The following XKR9 variants were observed in gnomAD, a reference collection of about 807,000 sequenced individuals.
XKR9 encodes the protein XK-related protein 9.
A neutral mutation model predicts 32.0 loss-of-function variants in XKR9; 32 were observed. The observed-to-expected ratio is 1.00, with a 90% CI of 0.76 to 1.34. XKR9 has a LOEUF of 1.34. Ranked by LOEUF, XKR9 falls within the 40% of genes most tolerant of loss-of-function variation. XKR9 has a pLI of 0.00. For synonymous variants in XKR9, 168 were observed against 143.4 expected, an observed-to-expected ratio of 1.17 and a Z score of -1.22; for missense variants, 546 against 429.7, an observed-to-expected ratio of 1.27 and a Z score of -2.39.
chr8:70,857,056 T>G, the XKR9 span, among the ~76,000 whole-genome samples: 10 of 152,008 alleles, frequency 6.6e-5, no homozygotes, highest in Admixed American at 2.0e-4. Context: ...ACATCACAAT[T>G]AAAAGAACTA....
the XKR9 span, among the ~76,000 whole-genome samples, chr8:70,826,492 GT>G: frequency 6.6e-6 from 1 of 151,998 alleles, no homozygotes; most frequent in South Asian, 2.1e-4. Context: ...TGGTTTAAAT[GT>G]TTCTTTTATT....
chr8:70,944,378 C>A, the XKR9 span, among the ~76,000 whole-genome samples: 1 of 151,944 alleles, frequency 6.6e-6, no homozygotes, highest in African/African-American at 2.4e-5. Flanking sequence ...AAAAACAAAA[C>A]GAAACAAACA....
chr8:70,858,311 A>G, the XKR9 span, among the ~76,000 whole-genome samples: 1 of 152,148 alleles, frequency 6.6e-6, no homozygotes, highest in Non-Finnish European at 1.5e-5. Flanking sequence ...AAGCATTCCT[A>G]TATACCAATA....
At chr8:70,930,911 A>T in the XKR9 span, among the ~76,000 whole-genome samples, 1 of 152,108 alleles carries the variant, frequency 6.6e-6, no homozygotes, top group Non-Finnish European at 1.5e-5. Flanking sequence ...TCACCATCAG[A>T]ACCTTCTTCA....
the XKR9 span, among the ~76,000 whole-genome samples, chr8:70,983,166 G>C: frequency 6.6e-6 from 1 of 152,138 alleles, no homozygotes; most frequent in African/African-American, 2.4e-5. Flanking sequence ...GACCCACAAG[G>C]ACTTCAGTGA....
chr8:70,727,302 A>C (rs916794997), intron 4 of XKR9, among the ~76,000 whole-genome samples: 2 of 150,964 alleles, frequency 1.3e-5, no homozygotes, highest in African/African-American at 4.9e-5. Context: ...TTTTAACTAA[A>C]ATATTTTTGA....
At chr8:71,014,921 G>A in the XKR9 span, among the ~76,000 whole-genome samples, 1 of 152,142 alleles carries the variant, frequency 6.6e-6, no homozygotes, top group African/African-American at 2.4e-5. Flanking sequence ...GCCAGTTGCC[G>A]ATAGGTCTCT....
At chr8:70,831,855 A>G in the XKR9 span, among the ~76,000 whole-genome samples, 1 of 152,190 alleles carries the variant, frequency 6.6e-6, no homozygotes, top group Admixed American at 6.5e-5. Context: ...TATTGATGCC[A>G]TGATTGGAAC....
chr8:70,699,940 C>T (rs1805454723), intron 3 of XKR9, among the ~76,000 whole-genome samples: 1 of 152,170 alleles, frequency 6.6e-6, no homozygotes, highest in Admixed American at 6.5e-5. Flanking sequence ...ATTTCATCTT[C>T]CATCACTGAT....
rs1476379357 is a variant in XKR9, at chr8:70,735,659, T to A, written c.*1235T>A. On this transcript the variant is annotated 3_prime_UTR_variant, in exon 5 of 5. Coordinates refer to ENST00000408926, the MANE Select transcript of XKR9 (RefSeq NM_001011720.2). ...CCCCAGAGTGTGATGATCCCCTTCC[T>A]GTGTCCATGTGTTCTCATTGTTCAG... 2 of 128,266 alleles carry A rather than the reference T, an allele frequency of 1.6e-5. No individual in the cohort carries two copies. Among genetic ancestry groups the A allele is most frequent in the African/African-American group, 6.0e-5 (2 of 33,596 alleles). 7.9% of individuals were successfully genotyped at this position (128,266 alleles called of 1,614,324 possible).
At chr8:70,814,658 GA>G in the XKR9 span, among the ~76,000 whole-genome samples, 1 of 152,082 alleles carries the variant, frequency 6.6e-6, no homozygotes, top group African/African-American at 2.4e-5. Flanking sequence ...AACAAATGTG[GA>G]AAAGTTTCCT....
chr8:70,687,759 T>C (rs1312463203), intron 3 of XKR9, among the ~76,000 whole-genome samples: 1 of 152,226 alleles, frequency 6.6e-6, no homozygotes, highest in Non-Finnish European at 1.5e-5. Context: ...TTGGGTCTTT[T>C]GTAGTTATTT....
the XKR9 span, among the ~76,000 whole-genome samples, chr8:70,946,066 C>T: frequency 2.0e-5 from 3 of 151,912 alleles, no homozygotes; most frequent in Admixed American, 6.6e-5. Flanking sequence ...ACCTGGGAGG[C>T]GGAGGTTGCA....
chr8:70,905,483 G>T, the XKR9 span, among the ~76,000 whole-genome samples: 5 of 152,158 alleles, frequency 3.3e-5, no homozygotes, highest in Non-Finnish European at 1.5e-5. Flanking sequence ...GTCATTTAAG[G>T]TCTTCTCTAC....
At chr8:70,910,444 A>G in the XKR9 span, among the ~76,000 whole-genome samples, 5 of 152,194 alleles carry the variant, frequency 3.3e-5, no homozygotes, top group East Asian at 1.9e-4. Context: ...AGGAGATTCA[A>G]TTAGGTTTTT....
intron 2 of XKR9, among the ~76,000 whole-genome samples, chr8:70,744,821 G>C (rs1337448577): frequency 1.5e-5 from 2 of 132,196 alleles, no homozygotes; most frequent in Admixed American, 7.3e-5. Context: ...GGCCAGGCTG[G>C]TCTTAAACTC....
At chr8:70,766,713 G>A (rs1189607278) in intron 2 of XKR9, among the ~76,000 whole-genome samples, 2 of 152,116 alleles carry the variant, frequency 1.3e-5, no homozygotes, top group Non-Finnish European at 2.9e-5. Context: ...TGCCCATTCA[G>A]TATGATATTG....
chr8:70,874,451 A>C, the XKR9 span, among the ~76,000 whole-genome samples: 5 of 152,218 alleles, frequency 3.3e-5, no homozygotes, highest in Non-Finnish European at 7.3e-5. Context: ...TAAACCAGTA[A>C]GATAGTAATA....
the XKR9 span, among the ~76,000 whole-genome samples, chr8:70,869,787 G>C: frequency 6.6e-6 from 1 of 152,130 alleles, no homozygotes; most frequent in African/African-American, 2.4e-5. Flanking sequence ...ACGTTAGGTG[G>C]GTTAAAGTAG....
Sources: allele counts gnomAD v4.1 joint callset (sites outside exome capture counted in the v4.1 genomes callset), GRCh38; gene constraint gnomAD v4.1.1; transcripts MANE v1.5; gene names NCBI Gene and HGNC (gene_info 2026-07-23, HGNC 2026-07-21).